TTC28: variants seen among roughly 807,000 people sequenced by gnomAD.
TTC28 encodes tetratricopeptide repeat protein 28.
A neutral mutation model predicts 198.0 loss-of-function variants in TTC28; 61 were observed. The ratio of observed to expected loss-of-function variants is 0.31; its 90% CI spans 0.25 to 0.38. TTC28 has a LOEUF of 0.38. Ranked by LOEUF, TTC28 falls within the 10% of genes least tolerant of loss-of-function variation. The probability of loss-of-function intolerance (pLI) is 1.00; values close to 1 mark genes in which losing one functional copy is unlikely to be tolerated. For synonymous variants in TTC28, 1,171 were observed against 1,297.8 expected (o/e 0.90, Z 2.10); for missense variants, 2,678 against 3,164.0 (o/e 0.85, Z 3.69).
At chr22:28,077,240 A>ACT (rs1261550272) in intron 12 of TTC28, among the ~76,000 whole-genome samples, 1 of 151,958 alleles carries the variant, frequency 6.6e-6, no homozygotes, top group East Asian at 1.9e-4. Flanking sequence ...CATGCACAAG[A>ACT]CTCTCTCTTG....
In TTC28 at chr22:28,087,881, G is replaced by C. The variant is rs185798506; in HGVS notation, c.3932+6199C>G. On this transcript the variant is annotated intron_variant, in intron 12 of 22. Transcript: ENST00000397906. ...TATACACCAATAACAGACAAACAGA[G>C]AGCCAAATCATGAGTGAACTCTCAT... is the stretch of plus-strand genomic sequence containing the variant. Among the ~76,000 whole-genome samples the C allele has an allele frequency of 1.4e-4, 21 of 152,232 alleles. No individual in the cohort carries two copies. The East Asian group carries it at 3.9e-3, about 28-fold the overall frequency.
Position 28,629,550 on chromosome 22 carries a change from A to T in TTC28, c.381+2T>A. 2 of 1,542,534 alleles carry T rather than the reference A, an allele frequency of 1.3e-6. No homozygotes were observed. Among genetic ancestry groups the T allele is most frequent in the Non-Finnish European group, 1.7e-6 (2 of 1,142,888 alleles). ...TAAATCTTCATAGGTAAAAATTTCT[A>T]CCTTTGGCCACTTGGGATTGAGAAG... On this transcript the variant is annotated splice_donor_variant, in intron 2 of 22. Coordinates refer to ENST00000397906, the MANE Select transcript of TTC28 (RefSeq NM_001145418.2). LOFTEE classifies it high-confidence loss of function.
chr22:28,364,551 G>T (rs2046213501), intron 2 of TTC28, among the ~76,000 whole-genome samples: 1 of 152,184 alleles, frequency 6.6e-6, no homozygotes, highest in Non-Finnish European at 1.5e-5. Context: ...CTTCTGGAAA[G>T]GATTAACCAT....
intron 2 of TTC28, among the ~76,000 whole-genome samples, chr22:28,394,608 C>T (rs1184637886): frequency 6.6e-6 from 1 of 152,278 alleles, no homozygotes; most frequent in Middle Eastern, 3.4e-3. Context: ...GACTGTCAAA[C>T]CCCAATAAGC....
intron 13 of TTC28, among the ~76,000 whole-genome samples, chr22:28,017,251 T>A (rs1938412268): frequency 6.6e-6 from 1 of 152,172 alleles, no homozygotes. Context: ...TGGCATCTTT[T>A]TATTGAAAAT....
intron 2 of TTC28, among the ~76,000 whole-genome samples, chr22:28,489,207 C>G (rs1208536837): frequency 6.6e-6 from 1 of 151,902 alleles, no homozygotes; most frequent in Non-Finnish European, 1.5e-5. Context: ...TCACTTGAGC[C>G]CAGGAATTCG....
chr22:28,502,573 G>A (rs573725434), intron 2 of TTC28, among the ~76,000 whole-genome samples: 5 of 152,078 alleles, frequency 3.3e-5, no homozygotes, highest in South Asian at 2.1e-4. Flanking sequence ...GTGTGAATCC[G>A]GGAGGCAGAG....
chr22:28,160,564 AAAGT>A (rs1921050853), intron 6 of TTC28, among the ~76,000 whole-genome samples: 1 of 152,198 alleles, frequency 6.6e-6, no homozygotes, highest in Non-Finnish European at 1.5e-5. Flanking sequence ...CAGCTTCAGA[AAAGT>A]ATGTATGTTA....
chr22:28,269,585 A>G (rs1931916052), intron 5 of TTC28, among the ~76,000 whole-genome samples: 1 of 152,212 alleles, frequency 6.6e-6, no homozygotes, highest in African/African-American at 2.4e-5. Context: ...ATGAAAAAAT[A>G]TCAATTTTAC....
At chr22:28,590,826 T>C (rs2050413569) in intron 2 of TTC28, among the ~76,000 whole-genome samples, 1 of 150,864 alleles carries the variant, frequency 6.6e-6, no homozygotes, top group African/African-American at 2.4e-5. Flanking sequence ...CTGGCCAACA[T>C]GGTGAACCCC....
chr22:28,067,892 G>C (rs1413554088), intron 12 of TTC28, among the ~76,000 whole-genome samples: 1 of 152,078 alleles, frequency 6.6e-6, no homozygotes, highest in Non-Finnish European at 1.5e-5. Flanking sequence ...AGCCCATTTT[G>C]ATTTAGGCAG....
chr22:28,539,288 G>A (rs997797336), intron 2 of TTC28, among the ~76,000 whole-genome samples: 2 of 152,170 alleles, frequency 1.3e-5, no homozygotes, highest in African/African-American at 4.8e-5. Flanking sequence ...GTGCTGAAAT[G>A]TAGAGGTTGC....
intron 6 of TTC28, among the ~76,000 whole-genome samples, chr22:28,150,014 T>C (rs578019526): frequency 1.3e-5 from 2 of 152,302 alleles, no homozygotes; most frequent in East Asian, 1.9e-4. Flanking sequence ...TAAATATATA[T>C]ACTTTGTCAA....
chr22:28,002,445 C>T (rs1937741687), intron 14 of TTC28: 1 of 152,244 alleles, frequency 6.6e-6, no homozygotes, highest in Non-Finnish European at 1.5e-5. Flanking sequence ...CAAGCGGACA[C>T]CCACCAGGGT....
chr22:28,200,395 T>C (rs2147151601), intron 5 of TTC28, among the ~76,000 whole-genome samples: 1 of 152,304 alleles, frequency 6.6e-6, no homozygotes, highest in South Asian at 2.1e-4. Context: ...CAACAGCATG[T>C]ATTAATTACA....
intron 6 of TTC28, among the ~76,000 whole-genome samples, chr22:28,153,393 A>AT (rs1008879856): frequency 3.0e-5 from 4 of 134,996 alleles, no homozygotes; most frequent in South Asian, 2.4e-4. Context: ...AACTCAAAGA[A>AT]TTAAAAAAAA....
chr22:28,633,054 C>A (rs548295324), intron 1 of TTC28, among the ~76,000 whole-genome samples: 6 of 151,434 alleles, frequency 4.0e-5, no homozygotes, highest in Middle Eastern at 3.2e-3. Flanking sequence ...CCGAGGTGGG[C>A]GGATCACCTG....
intron 2 of TTC28, among the ~76,000 whole-genome samples, chr22:28,387,076 G>C (rs964110340): frequency 6.6e-6 from 1 of 151,496 alleles, no homozygotes; most frequent in Non-Finnish European, 1.5e-5. Flanking sequence ...TCCCACCTAT[G>C]AGTGAGAATA....
intron 2 of TTC28, among the ~76,000 whole-genome samples, chr22:28,337,242 G>A (rs1190398979): frequency 2.0e-5 from 3 of 152,126 alleles, no homozygotes; most frequent in Non-Finnish European, 2.9e-5. Flanking sequence ...CATTTGCTGA[G>A]GAGTGCTTTA....
Sources: allele counts gnomAD v4.1 joint callset (sites outside exome capture counted in the v4.1 genomes callset), GRCh38; gene constraint gnomAD v4.1.1; transcripts MANE v1.5; gene names NCBI Gene and HGNC (gene_info 2026-07-23, HGNC 2026-07-21).